LRRIQ3: variants seen among roughly 807,000 people sequenced by gnomAD.
LRRIQ3 encodes the protein leucine-rich repeat and IQ domain-containing protein 3.
Under a neutral mutation model 59.3 loss-of-function variants are expected in LRRIQ3, and 75 were observed. The observed-to-expected ratio is 1.26, with a 90% confidence interval of 1.05 to 1.53. The LOEUF is 1.53. Among genes scored for constraint, LRRIQ3 ranks in the 40% most tolerant of loss-of-function variants. The pLI, the probability that LRRIQ3 is intolerant of heterozygous loss-of-function variation, is 0.00. For synonymous variants in LRRIQ3, 250 were observed against 231.3 expected, an observed-to-expected ratio of 1.08 and a Z score of -0.73; for missense variants, 831 against 710.0, an observed-to-expected ratio of 1.17 and a Z score of -1.94.
chr1:74,138,750 C>T (rs1557635360), intron 4 of LRRIQ3, among the ~76,000 whole-genome samples: 1 of 151,918 alleles, frequency 6.6e-6, no homozygotes, highest in African/African-American at 2.4e-5. Context: ...ATACTCAAAT[C>T]ACATTTCATA....
intron 4 of LRRIQ3, among the ~76,000 whole-genome samples, chr1:74,152,976 G>C (rs1237333594): frequency 6.6e-6 from 1 of 152,070 alleles, no homozygotes; most frequent in Non-Finnish European, 1.5e-5. Context: ...CTGTAAAACA[G>C]AAAATACAGA....
intron 6 of LRRIQ3, among the ~76,000 whole-genome samples, chr1:74,071,507 G>A (rs564424209): frequency 1.3e-5 from 2 of 152,254 alleles, no homozygotes; most frequent in East Asian, 3.9e-4. Context: ...CAAGTCAGAA[G>A]TGCATGTTCT....
chr1:74,121,764 T>C (rs1646860663), intron 4 of LRRIQ3, among the ~76,000 whole-genome samples: 2 of 116,788 alleles, frequency 1.7e-5, no homozygotes, highest in South Asian at 3.1e-4. Flanking sequence ...CCCCAGTGTG[T>C]GATGTTCCCC....
rs183735021 is a variant in LRRIQ3 at position 74,102,476 on chromosome 1, G to T, written c.867+6918C>A. 1.2e-3 allele frequency among the ~76,000 whole-genome samples: 183 copies of T among 152,098 alleles called. 1 individual carries two copies. The highest frequency in any genetic ancestry group is 4.3e-3 in the African/African-American group (180 of 41,534). Reference sequence around the variant, plus strand: ...TTATAAAAAATAGTAAAAGACAAGTGTTGGTAAGAATATGAAAAAGTTGAA... The same window carrying T: ...TTATAAAAAATAGTAAAAGACAAGTTTTGGTAAGAATATGAAAAAGTTGAA... On this transcript the variant is annotated intron_variant, in intron 5 of 7. Transcript: ENST00000354431.
chr1:74,091,522 C>T (rs912218632), intron 5 of LRRIQ3, among the ~76,000 whole-genome samples: 9 of 151,702 alleles, frequency 5.9e-5, no homozygotes, highest in Admixed American at 2.0e-4. Context: ...ATTGATTAAA[C>T]GTAGCTAACA....
intron 6 of LRRIQ3, among the ~76,000 whole-genome samples, chr1:74,072,435 G>T (rs922600280): frequency 1.3e-5 from 2 of 151,892 alleles, no homozygotes; most frequent in Non-Finnish European, 2.9e-5. Flanking sequence ...GACCATAGAT[G>T]GGCTTTGGTG....
At chr1:74,084,567 T>C (rs1482856170) in intron 5 of LRRIQ3, among the ~76,000 whole-genome samples, 1 of 151,696 alleles carries the variant, frequency 6.6e-6, no homozygotes, top group Non-Finnish European at 1.5e-5. Context: ...TATATATTTA[T>C]TTCCCACAGA....
At chr1:74,111,567 G>C (rs1483499038) in intron 4 of LRRIQ3, among the ~76,000 whole-genome samples, 1 of 152,050 alleles carries the variant, frequency 6.6e-6, no homozygotes, top group African/African-American at 2.4e-5. Context: ...AGAGATGTGA[G>C]AAATTCTGTG....
chr1:74,186,269 A>T (rs996063754), intron 1 of LRRIQ3, among the ~76,000 whole-genome samples: 17 of 152,002 alleles, frequency 1.1e-4, no homozygotes, highest in Non-Finnish European at 2.2e-4. Context: ...ATCCACCAGG[A>T]ATAATTGTTT....
intron 6 of LRRIQ3, among the ~76,000 whole-genome samples, chr1:74,060,777 T>C (rs1557598044): frequency 1.3e-5 from 2 of 151,976 alleles, no homozygotes; most frequent in Non-Finnish European, 2.9e-5. Flanking sequence ...GGAAGACCGG[T>C]GCACTCCAAG....
intron 7 of LRRIQ3, among the ~76,000 whole-genome samples, chr1:74,037,714 G>C (rs934920062): frequency 3.3e-5 from 5 of 152,184 alleles, no homozygotes; most frequent in African/African-American, 1.2e-4. Context: ...GACCCATGGA[G>C]AGGAAGGAAG....
In LRRIQ3 at chr1:74,109,197, T is replaced by C. The variant is rs1301034024; in HGVS notation, c.867+197A>G. ...ATTATTAAATGGTTGTGGTATACTA[T>C]ACTATAGATGCACCACAAAAATATA... On this transcript the variant is annotated intron_variant, in intron 5 of 7. Transcript: ENST00000354431. 13 of 490,768 alleles carry C rather than the reference T, an allele frequency of 2.6e-5. No homozygotes were observed. In the East Asian group the frequency reaches 5.3e-4, roughly 20 times the overall value. The allele number at this position is 490,768 out of a possible 1,614,324, so 30.4% of individuals were successfully genotyped here.
At chr1:74,030,436 G>C (rs1258618460) in intron 7 of LRRIQ3, among the ~76,000 whole-genome samples, 2 of 152,102 alleles carry the variant, frequency 1.3e-5, no homozygotes, top group African/African-American at 2.4e-5. Context: ...GAATAGAACA[G>C]AGCCCTCAGA....
At chr1:74,069,609 G>T (rs1654964294) in intron 6 of LRRIQ3, among the ~76,000 whole-genome samples, 1 of 151,882 alleles carries the variant, frequency 6.6e-6, no homozygotes, top group Non-Finnish European at 1.5e-5. Flanking sequence ...AAGAATTTTG[G>T]ATAATATTTA....
intron 2 of LRRIQ3, chr1:74,183,215 A>C: frequency 2.8e-6 from 1 of 357,792 alleles, no homozygotes. Context: ...TAGATTTAAG[A>C]AGTGAAACAT....
chr1:74,079,996 T>A lies in LRRIQ3; in HGVS notation c.868-5206A>T, dbSNP rs766744736. 2.6e-5 allele frequency among the ~76,000 whole-genome samples: 4 copies of A among 151,764 alleles called. No homozygotes were observed. In the South Asian group the frequency reaches 6.2e-4, roughly 24 times the overall value. ...CTCTTGCATCTCTTTATAAACTGTT[T>A]ATCACGATTCTCTGAATTTAGATTC... On this transcript the variant is annotated intron_variant, in intron 5 of 7. Coordinates refer to ENST00000354431, the MANE Select transcript of LRRIQ3 (RefSeq NM_001105659.2).
chr1:74,091,625 G>T (rs1275413396), intron 5 of LRRIQ3, among the ~76,000 whole-genome samples: 1 of 151,906 alleles, frequency 6.6e-6, no homozygotes, highest in African/African-American at 2.4e-5. Flanking sequence ...AAGAGAAAAA[G>T]AACCATAGAG....
chr1:74,035,793 C>T (rs1384883), intron 7 of LRRIQ3, among the ~76,000 whole-genome samples: 71,744 of 151,766 alleles, frequency 0.47, 18,478 homozygotes, highest in East Asian at 0.82. Flanking sequence ...CATAAACTTT[C>T]TGCTATAGGT....
rs1390465085 is a variant in LRRIQ3 at position 74,060,730 on chromosome 1, T to C, written c.997+13931A>G. Among the ~76,000 whole-genome samples, 3 of 151,472 alleles carry C rather than the reference T, an allele frequency of 2.0e-5. No homozygotes were observed. In the East Asian group the frequency reaches 5.9e-4, roughly 30 times the overall value. On this transcript the variant is annotated intron_variant, in intron 6 of 7. Coordinates refer to ENST00000354431, the MANE Select transcript of LRRIQ3 (RefSeq NM_001105659.2). The stretch of plus-strand genomic sequence containing the variant: ...CTGTCACACACACACCAAAAAAAGG[T>C]AGGAGGAACATCTGCCACCAAGGGA...
Sources: allele counts gnomAD v4.1 joint callset (sites outside exome capture counted in the v4.1 genomes callset), GRCh38; gene constraint gnomAD v4.1.1; transcripts MANE v1.5; gene names NCBI Gene and HGNC (gene_info 2026-07-23, HGNC 2026-07-21).